EZH2: variants seen among roughly 807,000 people sequenced by gnomAD.
EZH2 encodes the protein enhancer of zeste 2 polycomb repressive complex 2 subunit.
A neutral mutation model predicts 98.4 loss-of-function variants in EZH2; 18 were observed. That is an observed-to-expected ratio of 0.18 (90% CI 0.13 to 0.27). EZH2 has a LOEUF of 0.27. Ranked by LOEUF, EZH2 falls within the 10% of genes least tolerant of loss-of-function variation. The probability of loss-of-function intolerance (pLI) is 1.00; values close to 1 mark genes in which losing one functional copy is unlikely to be tolerated. For missense variants in EZH2, 470 were observed against 935.1 expected, an observed-to-expected ratio of 0.50 and a Z score of 6.49; for synonymous variants, 338 against 312.3, an observed-to-expected ratio of 1.08 and a Z score of -0.87.
intron 1 of EZH2, among the ~76,000 whole-genome samples, chr7:148,869,629 C>T (rs762109608): frequency 1.3e-5 from 2 of 152,212 alleles, no homozygotes; most frequent in Non-Finnish European, 2.9e-5. Flanking sequence ...TGAGCCAATG[C>T]ACTTGGCCAT....
At chr7:148,823,319 C>G (rs1205107244) in intron 8 of EZH2, among the ~76,000 whole-genome samples, 1 of 152,128 alleles carries the variant, frequency 6.6e-6, no homozygotes, top group African/African-American at 2.4e-5. Context: ...GCATAAGGCT[C>G]AAAATAATCC....
chr7:148,827,235 A>G lies in EZH2; in HGVS notation c.657T>C (p.Pro219=), dbSNP rs148843424. The G allele has an allele frequency of 4.9e-4, 784 of 1,613,884 alleles. No homozygotes were observed. Among genetic ancestry groups the G allele is most frequent in the Non-Finnish European group, 6.3e-4 (744 of 1,179,876 alleles). The change falls in exon 7 of 20, where the codon CCT becomes CCC. Residue 219 remains proline (P), a synonymous_variant. Transcript: ENST00000320356. ...AAATGGCTTCAAAAATTTTATCAGA[A>G]GGAAATTTCCGAGGTGGGCGGCTTT... ...DKESRPPRKF[P]SDKIFEAISS...
chr7:148,818,385 T>C (rs1204983923), intron 9 of EZH2, among the ~76,000 whole-genome samples: 2 of 152,188 alleles, frequency 1.3e-5, no homozygotes, highest in African/African-American at 4.8e-5. Flanking sequence ...TTGTAAAATA[T>C]ATTAGCTAGT....
chr7:148,810,368 T>C lies in EZH2; in HGVS notation c.1994A>G (p.Lys665Arg). The C allele has an allele frequency of 6.2e-7, 1 of 1,611,310 alleles. No individual in the cohort carries two copies. The highest frequency in any genetic ancestry group is 8.5e-7 in the Non-Finnish European group (1 of 1,177,718). Residue 665 changes from lysine (K) to arginine (R), a missense_variant, in exon 17 of 20, where the codon AAA becomes AGA. Transcript: ENST00000320356. The part of the protein sequence containing the change: ...EADRRGKVYD[K>R]YMCSFLFNLN... ...GTTGAACAGAAAGCTGCACATGTAT[T>C]TATCATACACTTTCCCTCTTCTGTC...
At chr7:148,863,926 T>C (rs1818066382) in intron 1 of EZH2, among the ~76,000 whole-genome samples, 1 of 152,238 alleles carries the variant, frequency 6.6e-6, no homozygotes, top group Admixed American at 6.5e-5. Context: ...GTGGATTACA[T>C]GTACATGAAA....
chr7:148,824,258 C>T (rs1396305139), intron 8 of EZH2, among the ~76,000 whole-genome samples: 1 of 150,364 alleles, frequency 6.7e-6, no homozygotes, highest in Non-Finnish European at 1.5e-5. Flanking sequence ...GAGGTTGCAG[C>T]GAGCTGAAAT....
chr7:148,869,659 G>A (rs1380264682), intron 1 of EZH2, among the ~76,000 whole-genome samples: 1 of 152,186 alleles, frequency 6.6e-6, no homozygotes, highest in African/African-American at 2.4e-5. Flanking sequence ...TTCTTCAAGG[G>A]CCCACTACCT....
At chr7:148,858,029 A>AAAG (rs1817096893) in intron 1 of EZH2, among the ~76,000 whole-genome samples, 1 of 151,020 alleles carries the variant, frequency 6.6e-6, no homozygotes, top group East Asian at 2.0e-4. Flanking sequence ...GCAGTGGCTC[A>AAAG]CGCCTATAAT....
chr7:148,824,032 C>T (rs1007479481), intron 8 of EZH2, among the ~76,000 whole-genome samples: 9 of 152,044 alleles, frequency 5.9e-5, no homozygotes, highest in African/African-American at 2.2e-4. Context: ...AACATAAAAT[C>T]GACCAGGCGT....
intron 3 of EZH2, among the ~76,000 whole-genome samples, chr7:148,835,224 A>G (rs1810564733): frequency 6.6e-6 from 1 of 152,152 alleles, no homozygotes; most frequent in African/African-American, 2.4e-5. Flanking sequence ...GTTCAAGACC[A>G]GCCTGGGCAA....
intron 1 of EZH2, among the ~76,000 whole-genome samples, chr7:148,865,046 G>C (rs903729841): frequency 6.6e-6 from 1 of 151,230 alleles, no homozygotes; most frequent in Non-Finnish European, 1.5e-5. Flanking sequence ...AGAATCGCTT[G>C]AACCTAGGAG....
chr7:148,810,307 CACTGCCTCCCAGCTCTGAAACAT>C lies in EZH2; in HGVS notation c.2029+3_2029+25del, dbSNP rs746222595. On this transcript the variant is annotated splice_donor_5th_base_variant and intron_variant, in intron 17 of 19. Coordinates refer to ENST00000320356, the MANE Select transcript of EZH2 (RefSeq NM_004456.5). ...GGCTGCCACATGCAACTCAGGAACT[CACTGCCTCCCAGCTCTGAAACAT>C]ACCATTGTTCAAGTTGAACAGAAAG... 6.4e-6 allele frequency: 10 copies of C among 1,567,736 alleles called. No individual in the cohort carries two copies. The highest frequency in any genetic ancestry group is 7.9e-6 in the Non-Finnish European group (9 of 1,140,232).
At chr7:148,816,885 C>G (rs1584930573) in intron 11 of EZH2, 107 bp from the exon 12 acceptor site, 1 of 787,754 alleles carries the variant, frequency 1.3e-6, no homozygotes, top group East Asian at 2.5e-5. Flanking sequence ...TGTGACACTG[C>G]TAGATGCTGG....
In EZH2 at chr7:148,814,000, C is replaced by T. The variant is rs587778302; in HGVS notation, c.1810G>A (p.Val604Met). 1 of 1,614,196 alleles carries T rather than the reference C, an allele frequency of 6.2e-7. No homozygotes were observed. The change falls in exon 15 of 20, where the codon GTG (valine) becomes ATG (methionine). Residue 604 changes from valine (V) to methionine (M), a missense_variant. By Grantham distance (21) the Val-to-Met change is conservative. Coordinates refer to ENST00000320356, the MANE Select transcript of EZH2 (RefSeq NM_004456.5). Reference protein sequence around the residue: ...GAADHWDSKNVSCKNCSIQRG... With the variant: ...GAADHWDSKNMSCKNCSIQRG... Reference sequence around the variant, plus strand: ...TGAATACTGCAGTTCTTGCAGGACACATTTTTACTGTCCCAATGGTCAGCG... The same window carrying T: ...TGAATACTGCAGTTCTTGCAGGACATATTTTTACTGTCCCAATGGTCAGCG...
Position 148,807,676 on chromosome 7 carries a change from G to T in EZH2, c.2226C>A (p.Val742=). The change falls in exon 20 of 20, where the codon GTC becomes GTA. Residue 742 remains valine, a synonymous_variant. Coordinates refer to ENST00000320356, the MANE Select transcript of EZH2 (RefSeq NM_004456.5). ...GGATTTCCATTTCTCTTTCGATGCC[G>T]ACATACTTCAGGGCATCAGCCTGGC... The part of the protein sequence containing the change: ...RYSQADALKY[V]GIEREMEIP 1.3e-6 allele frequency: 2 copies of T among 1,597,926 alleles called. No individual in the cohort carries two copies. The highest frequency in any genetic ancestry group is 1.7e-6 in the Non-Finnish European group (2 of 1,171,522).
chr7:148,824,902 AAGTAAAATATTCCAC>A (rs1236462774), intron 8 of EZH2, among the ~76,000 whole-genome samples: 1 of 152,186 alleles, frequency 6.6e-6, no homozygotes, highest in East Asian at 1.9e-4. Flanking sequence ...AACTTTATTA[AAGTAAAATATTCCAC>A]TGTTCTCCCC....
intron 19 of EZH2, 102 bp from the exon 20 acceptor site, chr7:148,807,808 TG>T: frequency 4.0e-6 from 2 of 497,350 alleles, no homozygotes; most frequent in Non-Finnish European, 3.3e-6. Context: ...TGCATTAAAA[TG>T]TCTTTAAAAA....
At chr7:148,831,431 C>T (rs951544904) in intron 4 of EZH2, among the ~76,000 whole-genome samples, 5 of 152,186 alleles carry the variant, frequency 3.3e-5, no homozygotes, top group East Asian at 1.9e-4. Context: ...ATCATATCCA[C>T]ATCATCCTGC....
chr7:148,838,123 C>A (rs900126216), intron 3 of EZH2, among the ~76,000 whole-genome samples: 1 of 131,552 alleles, frequency 7.6e-6, no homozygotes, highest in Non-Finnish European at 1.5e-5. Context: ...GGTTAGAGTG[C>A]AGTGGTGCAA....
Sources: gnomAD v4.1 joint callset for allele counts (sites outside exome capture counted in the v4.1 genomes callset) on GRCh38, gnomAD v4.1.1 for gene constraint, MANE v1.5 for transcripts, NCBI Gene and HGNC (gene_info 2026-07-23, HGNC 2026-07-21) for gene names.